Variants in PXDNL observed in about 807,000 individuals in gnomAD.
The protein encoded by PXDNL is peroxidasin like.
In PXDNL, 145 loss-of-function variants were observed where a neutral mutation model predicts 150.8. That is an observed-to-expected ratio of 0.96 (90% CI 0.84 to 1.10). PXDNL has a LOEUF of 1.10. Among genes scored for constraint, PXDNL ranks in the 50% least tolerant of loss-of-function variants. The pLI, the probability that PXDNL is intolerant of heterozygous loss-of-function variation, is 0.00. For missense variants in PXDNL, 2,087 were observed against 1,873.9 expected, an observed-to-expected ratio of 1.11 and a Z score of -2.10; for synonymous variants, 757 against 725.7, an observed-to-expected ratio of 1.04 and a Z score of -0.69.
intron 2 of PXDNL, among the ~76,000 whole-genome samples, chr8:51,630,195 T>C (rs1295264697): frequency 6.6e-6 from 1 of 152,204 alleles, no homozygotes; most frequent in African/African-American, 2.4e-5. Context: ...AATTACTTCC[T>C]ATTCAATAAA....
At chr8:51,768,216 G>C (rs1470935664) in intron 1 of PXDNL, among the ~76,000 whole-genome samples, 1 of 151,354 alleles carries the variant, frequency 6.6e-6, no homozygotes, top group Non-Finnish European at 1.5e-5. Flanking sequence ...TTAATTTCCA[G>C]ACTTATGATT....
intron 1 of PXDNL, among the ~76,000 whole-genome samples, chr8:51,757,409 G>A (rs535223087): frequency 1.9e-3 from 297 of 152,322 alleles, no homozygotes; most frequent in Middle Eastern, 6.8e-3. Context: ...GTTCTGGGAG[G>A]ACAGCGTTCC....
At chr8:51,707,642 T>G (rs1336604177) in intron 1 of PXDNL, among the ~76,000 whole-genome samples, 1 of 152,222 alleles carries the variant, frequency 6.6e-6, no homozygotes, top group Non-Finnish European at 1.5e-5. Context: ...CTTGAATAAT[T>G]GAAATGTCAT....
At chr8:51,508,794 G>C (rs1305191360) in intron 4 of PXDNL, among the ~76,000 whole-genome samples, 1 of 152,138 alleles carries the variant, frequency 6.6e-6, no homozygotes, top group East Asian at 1.9e-4. Flanking sequence ...ACTCAAACTT[G>C]TTGTGTGCAA....
At chr8:51,687,758 T>G (rs946323755) in intron 1 of PXDNL, among the ~76,000 whole-genome samples, 2 of 152,190 alleles carry the variant, frequency 1.3e-5, no homozygotes, top group Admixed American at 6.5e-5. Context: ...AGAGTGATAA[T>G]GAGAATGGAG....
chr8:51,479,859 G>T (rs1180194963), intron 6 of PXDNL, among the ~76,000 whole-genome samples: 1 of 152,146 alleles, frequency 6.6e-6, no homozygotes, highest in African/African-American at 2.4e-5. Context: ...CCCCTTTACA[G>T]ATAGATTAGA....
At chr8:51,467,548 A>G (rs1810229628) in intron 8 of PXDNL, among the ~76,000 whole-genome samples, 1 of 152,064 alleles carries the variant, frequency 6.6e-6, no homozygotes, top group Non-Finnish European at 1.5e-5. Context: ...TGGTTCTGTC[A>G]TATTCCAAAC....
chr8:51,339,663 T>C lies in PXDNL; in HGVS notation c.4107A>G (p.Ala1369=). 2 of 1,613,856 alleles carry C rather than the reference T, an allele frequency of 1.2e-6. No individual in the cohort carries two copies. The highest frequency in any genetic ancestry group is 1.7e-6 in the Non-Finnish European group (2 of 1,179,792). The stretch of plus-strand genomic sequence containing the variant: ...CTGTGATGGTTTCCTGAATTTCCGC[T>C]GCAAACGTGCTGAAATCTTGGGAGA... ...TKFSQDFSTF[A]AEIQETITAL... is the part of the protein sequence containing the mutation. The change falls in exon 21 of 23, where the codon GCA becomes GCG. Residue 1369 remains alanine (A), a synonymous_variant. Transcript: ENST00000356297.
intron 3 of PXDNL, among the ~76,000 whole-genome samples, chr8:51,573,305 T>C (rs1220159052): frequency 6.6e-6 from 1 of 151,748 alleles, no homozygotes; most frequent in Non-Finnish European, 1.5e-5. Flanking sequence ...TCCCAAATGG[T>C]GATAATAATG....
chr8:51,396,085 T>C lies in PXDNL; in HGVS notation c.3557+11982A>G, dbSNP rs549323750. ...TTGGCTGAGAAATAAATCGGTTCTA[T>C]AGATCGGCAATAAACACAGCTACAG... On this transcript the variant is annotated intron_variant, in intron 17 of 22. Coordinates refer to ENST00000356297, the MANE Select transcript of PXDNL (RefSeq NM_144651.5). Among the ~76,000 whole-genome samples the C allele has an allele frequency of 2.2e-4, 34 of 152,366 alleles. 2 individuals are homozygous for C. In the South Asian group the frequency reaches 3.9e-3, roughly 18 times the overall value.
At chr8:51,452,763 C>T (rs949489928) in intron 10 of PXDNL, among the ~76,000 whole-genome samples, 1 of 152,146 alleles carries the variant, frequency 6.6e-6, no homozygotes, top group Non-Finnish European at 1.5e-5. Flanking sequence ...GCCCCTAAAA[C>T]GGATCATGTA....
At chr8:51,428,989 C>T (rs1222368998) in intron 12 of PXDNL, among the ~76,000 whole-genome samples, 4 of 15,006 alleles carry the variant, frequency 2.7e-4, no homozygotes, top group East Asian at 2.1e-3. Context: ...AAAAATTCAA[C>T]AGTAAAATAC....
intron 15 of PXDNL, among the ~76,000 whole-genome samples, chr8:51,412,702 G>C (rs979018619): frequency 3.3e-5 from 5 of 152,176 alleles, no homozygotes; most frequent in Non-Finnish European, 5.9e-5. Context: ...GGATTGGAAG[G>C]TTTCACTAGT....
intron 4 of PXDNL, among the ~76,000 whole-genome samples, chr8:51,539,938 C>CT (rs61652546): frequency 0.018 from 2,598 of 145,034 alleles, 29 homozygotes; most frequent in Non-Finnish European, 0.028. Context: ...TATCTACTAC[C>CT]TTTTTTTTTT....
chr8:51,475,163 A>G lies in PXDNL; in HGVS notation c.525-22T>C, dbSNP rs368164330. 4.4e-6 allele frequency: 7 copies of G among 1,599,250 alleles called. No individual in the cohort carries two copies. The African/African-American group carries it at 8.1e-5, about 18-fold the overall frequency. ...ACGCCTAGGCATGCAGGCAAGAAGT[A>G]CAACTGTTAAAAGGGACTATTAATT... On this transcript the variant is annotated intron_variant, in intron 6 of 22. Transcript: ENST00000356297.
chr8:51,807,563 G>A (rs565752204), intron 1 of PXDNL, among the ~76,000 whole-genome samples: 8 of 152,264 alleles, frequency 5.3e-5, no homozygotes, highest in African/African-American at 1.9e-4. Context: ...ACACCAAGAA[G>A]TTAAGAATTT....
At chr8:51,553,740 T>TTATATATATATATATA (rs747698313) in intron 4 of PXDNL, among the ~76,000 whole-genome samples, 68 of 112,872 alleles carry the variant, frequency 6.0e-4, no homozygotes, top group Middle Eastern at 4.5e-3. Flanking sequence ...GTGAGGGATT[T>TTATATATATATATATA]TATATATATA....
At chr8:51,660,806 C>T (rs1212351944) in intron 1 of PXDNL, among the ~76,000 whole-genome samples, 1 of 152,160 alleles carries the variant, frequency 6.6e-6, no homozygotes, top group African/African-American at 2.4e-5. Context: ...AACATGCACT[C>T]CTGTGCACTC....
intron 2 of PXDNL, among the ~76,000 whole-genome samples, chr8:51,639,814 A>G (rs1044677764): frequency 2.0e-5 from 3 of 152,130 alleles, no homozygotes; most frequent in African/African-American, 7.2e-5. Flanking sequence ...AACTATTCCA[A>G]TCAATAGAAA....
Sources: gnomAD v4.1 joint callset for allele counts (sites outside exome capture counted in the v4.1 genomes callset) on GRCh38, gnomAD v4.1.1 for gene constraint, MANE v1.5 for transcripts, NCBI Gene and HGNC (gene_info 2026-07-23, HGNC 2026-07-21) for gene names.